SKAP1: variants seen among roughly 807,000 people sequenced by gnomAD.
SKAP1 encodes src kinase associated phosphoprotein 1, also known as src kinase-associated phosphoprotein 1.
SKAP1 carries 44 observed loss-of-function variants against 58.5 expected under a neutral mutation model. The ratio of observed to expected loss-of-function variants is 0.75; its 90% CI spans 0.59 to 0.97. SKAP1 has a LOEUF of 0.97. Ranked by LOEUF, SKAP1 falls within the 50% of genes least tolerant of loss-of-function variation. The pLI, the probability that SKAP1 is intolerant of heterozygous loss-of-function variation, is 0.00. For synonymous variants in SKAP1, 127 were observed against 149.7 expected (o/e 0.85, Z 1.11); for missense variants, 390 against 435.2 (o/e 0.90, Z 0.92).
At chr17:48,437,350 G>T in the SKAP1 span, among the ~76,000 whole-genome samples, 1 of 152,192 alleles carries the variant, frequency 6.6e-6, no homozygotes, top group East Asian at 1.9e-4. Context: ...ATGAGCCTCA[G>T]ATTCCTCATC....
At chr17:48,413,514 C>CAAAAA (rs1222640261) in intron 1 of SKAP1, among the ~76,000 whole-genome samples, 7 of 99,956 alleles carry the variant, frequency 7.0e-5, no homozygotes, top group African/African-American at 3.5e-4. Context: ...AACTCCGTCT[C>CAAAAA]AAAAAAAAAA....
chr17:48,393,666 T>C (rs1011856648), intron 2 of SKAP1, among the ~76,000 whole-genome samples: 24 of 152,296 alleles, frequency 1.6e-4, no homozygotes, highest in African/African-American at 5.1e-4. Flanking sequence ...CAGTGCTACT[T>C]TTATTTCTCT....
At chr17:48,397,244 G>A (rs1319916801) in intron 1 of SKAP1, among the ~76,000 whole-genome samples, 1 of 152,116 alleles carries the variant, frequency 6.6e-6, no homozygotes, top group Non-Finnish European at 1.5e-5. Flanking sequence ...TTTTAGGGGG[G>A]GGATGGAGTC....
chr17:48,413,523 AATAT>A (rs1555624885), intron 1 of SKAP1, among the ~76,000 whole-genome samples: 34 of 105,488 alleles, frequency 3.2e-4, no homozygotes, highest in East Asian at 9.1e-4. Flanking sequence ...TCAAAAAAAA[AATAT>A]ATATATATAT....
intron 4 of SKAP1, among the ~76,000 whole-genome samples, chr17:48,253,346 AG>A (rs1160806260): frequency 6.6e-6 from 1 of 152,134 alleles, no homozygotes; most frequent in Non-Finnish European, 1.5e-5. Context: ...TTAAGAAGCA[AG>A]GGGAAGGAGG....
chr17:48,271,681 T>G (rs1342738371), intron 4 of SKAP1, among the ~76,000 whole-genome samples: 2 of 152,168 alleles, frequency 1.3e-5, no homozygotes, highest in African/African-American at 4.8e-5. Flanking sequence ...TTCTTGATTT[T>G]TTTTCTCTAT....
intron 1 of SKAP1, among the ~76,000 whole-genome samples, chr17:48,425,503 G>A (rs1016822600): frequency 6.6e-6 from 1 of 152,044 alleles, no homozygotes; most frequent in Non-Finnish European, 1.5e-5. Flanking sequence ...ACATAAAAAA[G>A]GAATAGAACT....
At chr17:48,416,898 A>G (rs989055806) in intron 1 of SKAP1, among the ~76,000 whole-genome samples, 7 of 152,200 alleles carry the variant, frequency 4.6e-5, no homozygotes, top group African/African-American at 1.4e-4. Flanking sequence ...TTTAGTGTTT[A>G]ATTTTCCTGT....
intron 4 of SKAP1, among the ~76,000 whole-genome samples, chr17:48,291,546 G>A (rs1365273727): frequency 6.6e-6 from 1 of 152,168 alleles, no homozygotes; most frequent in Non-Finnish European, 1.5e-5. Flanking sequence ...GAGTGAGCAG[G>A]ATGCAAGAAC....
At position 48,325,248 on chromosome 17, in the gene SKAP1, C is replaced by CAAAAA. The variant is rs200281665; in HGVS notation, c.280+20652_280+20656dup. 7.7e-4 allele frequency among the ~76,000 whole-genome samples: 70 copies of CAAAAA among 91,422 alleles called. 3 individuals are homozygous for CAAAAA. The highest frequency in any genetic ancestry group is 2.4e-3 in the Admixed American group (20 of 8,382). 60.0% of individuals were successfully genotyped at this position (91,422 alleles called of 152,430 possible). A position where few individuals can be genotyped will look rare whatever the true frequency, so the allele number is the denominator to read the frequency against. On this transcript the variant is annotated intron_variant, in intron 4 of 12. Coordinates refer to ENST00000336915, the MANE Select transcript of SKAP1 (RefSeq NM_003726.4). ...TGGGCGACAGAGTGAGACTCCGTCT[C>CAAAAA]AAAAAAAAAAAAAAAAAAAAAAAAA...
chr17:48,227,452 C>A (rs1379586423), intron 4 of SKAP1, among the ~76,000 whole-genome samples: 1 of 152,176 alleles, frequency 6.6e-6, no homozygotes, highest in Non-Finnish European at 1.5e-5. Context: ...ACTCAAGCTC[C>A]AGCTCAGTAC....
At chr17:48,156,891 G>T (rs1336791688) in intron 11 of SKAP1, among the ~76,000 whole-genome samples, 1 of 151,810 alleles carries the variant, frequency 6.6e-6, no homozygotes, top group African/African-American at 2.4e-5. Context: ...ATTTTTTTTT[G>T]TATCCAAGTG....
chr17:48,244,901 C>T (rs1296060324), intron 4 of SKAP1, among the ~76,000 whole-genome samples: 1 of 152,180 alleles, frequency 6.6e-6, no homozygotes, highest in Non-Finnish European at 1.5e-5. Context: ...GGATGCTTGC[C>T]ATTTGTTCCT....
At position 48,133,512 on chromosome 17, in the gene SKAP1, C is replaced by T. The variant is rs1365890127; in HGVS notation, c.*312G>A. On this transcript the variant is annotated 3_prime_UTR_variant, in exon 13 of 13. Transcript: ENST00000336915. ...CCAGAACAACCAGTAATGTCCTCCT[C>T]CCAAGGTTTCCTTCTCTCTCACCTT... 2.6e-5 allele frequency: 4 copies of T among 152,244 alleles called. No homozygotes were observed. The highest frequency in any genetic ancestry group is 1.5e-5 in the Non-Finnish European group (1 of 68,066). 9.4% of individuals were successfully genotyped at this position (152,244 alleles called of 1,614,324 possible). A position where few individuals can be genotyped will look rare whatever the true frequency, so the allele number is the denominator to read the frequency against.
Position 48,286,253 on chromosome 17 carries a change from A to G in SKAP1, c.280+59652T>C, listed in dbSNP as rs565819561. 2.0e-5 allele frequency among the ~76,000 whole-genome samples: 3 copies of G among 152,396 alleles called. No homozygotes were observed. The East Asian group carries it at 5.8e-4, about 29-fold the overall frequency. On this transcript the variant is annotated intron_variant, in intron 4 of 12. Coordinates refer to ENST00000336915, the MANE Select transcript of SKAP1 (RefSeq NM_003726.4). ...GAATGTGGGATTATTGTTAGACCAC[A>G]GCAGGAAGGCTGTTTCAATCATATA...
the SKAP1 span, among the ~76,000 whole-genome samples, chr17:48,443,460 CTGTTTGTTTGTTTGTT>C: frequency 8.0e-5 from 12 of 149,984 alleles, no homozygotes; most frequent in Non-Finnish European, 1.2e-4. Flanking sequence ...CAAGGTAAGT[CTGTTTGTTTGTTTGTT>C]TGTTTGTTTG....
intron 4 of SKAP1, among the ~76,000 whole-genome samples, chr17:48,270,531 TG>T (rs747690732): frequency 6.6e-5 from 10 of 151,856 alleles, no homozygotes; most frequent in Non-Finnish European, 1.3e-4. Context: ...TTAGTAGAGA[TG>T]GGGTTTCTCC....
chr17:48,238,819 A>G (rs142433044), intron 4 of SKAP1, among the ~76,000 whole-genome samples: 3 of 152,312 alleles, frequency 2.0e-5, no homozygotes, highest in Non-Finnish European at 4.4e-5. Context: ...GTCACACTTT[A>G]TTTTTAAGAT....
Position 48,250,272 on chromosome 17 carries a change from GT to G in SKAP1, c.281-60773del, listed in dbSNP as rs755523173. 3.3e-3 allele frequency among the ~76,000 whole-genome samples: 241 copies of G among 74,044 alleles called. 6 individuals are homozygous for G. Among genetic ancestry groups the G allele is most frequent in the African/African-American group, 9.3e-3 (174 of 18,634 alleles). 48.6% of individuals were successfully genotyped at this position (74,044 alleles called of 152,430 possible). A position where few individuals can be genotyped will look rare whatever the true frequency, so the allele number is the denominator to read the frequency against. ...TACATATATTTTGCTGCCATAGACAGTTTTTTTTTTTTTTTTTTTTTTTTTT... is the reference window on the plus strand; with the variant it reads ...TACATATATTTTGCTGCCATAGACAGTTTTTTTTTTTTTTTTTTTTTTTTT... On this transcript the variant is annotated intron_variant, in intron 4 of 12. Coordinates refer to ENST00000336915, the MANE Select transcript of SKAP1 (RefSeq NM_003726.4).
Sources: allele counts gnomAD v4.1 joint callset (sites outside exome capture counted in the v4.1 genomes callset), GRCh38; gene constraint gnomAD v4.1.1; transcripts MANE v1.5; gene names NCBI Gene and HGNC (gene_info 2026-07-23, HGNC 2026-07-21).